FYB1: variants seen among roughly 807,000 people sequenced by gnomAD.
FYB1 encodes FYN binding protein 1.
A neutral mutation model predicts 94.1 loss-of-function variants in FYB1; 41 were observed. That is an observed-to-expected ratio of 0.44 (90% CI 0.34 to 0.57). FYB1 has a LOEUF of 0.57. Among genes scored for constraint, FYB1 ranks in the 20% least tolerant of loss-of-function variants. FYB1 has a pLI of 0.02. For missense variants in FYB1, 1,050 were observed against 976.8 expected (o/e 1.07, Z -1.00); for synonymous variants, 367 against 353.2 (o/e 1.04, Z -0.44).
intron 1 of FYB1, among the ~76,000 whole-genome samples, chr5:39,243,190 G>C (rs1751300234): frequency 5.3e-5 from 8 of 149,750 alleles, no homozygotes; most frequent in African/African-American, 1.2e-4. Context: ...ATTGCTTTTG[G>C]TGTTTTAGAC....
intron 4 of FYB1, chr5:39,139,944 A>T (rs1742015812): frequency 6.6e-6 from 1 of 152,288 alleles, no homozygotes. Context: ...TTTAGAGTAC[A>T]GTAAGGAGAA....
chr5:39,231,114 T>C (rs1750713946), intron 1 of FYB1, among the ~76,000 whole-genome samples: 1 of 146,432 alleles, frequency 6.8e-6, no homozygotes, highest in African/African-American at 2.6e-5. Flanking sequence ...AGGAGGCAGT[T>C]TGATGGAATA....
intron 1 of FYB1, among the ~76,000 whole-genome samples, chr5:39,209,247 C>T (rs1485872011): frequency 1.3e-5 from 2 of 152,130 alleles, no homozygotes; most frequent in Non-Finnish European, 2.9e-5. Flanking sequence ...AGACCCTTCA[C>T]AAGCATCGTA....
intron 16 of FYB1, chr5:39,110,832 AG>A (rs1442969978): frequency 2.8e-6 from 1 of 360,004 alleles, no homozygotes; most frequent in African/African-American, 2.2e-5. Context: ...TTGAGCAGAG[AG>A]AGAACTGTAT....
intron 11 of FYB1, 55 bp from the exon 12 acceptor site, chr5:39,126,190 A>G (rs538141091): frequency 1.3e-6 from 2 of 1,576,084 alleles, no homozygotes; most frequent in Non-Finnish European, 1.7e-6. Context: ...AAGTGAAGAC[A>G]TTGTGTGGAC....
At position 39,127,724 on chromosome 5, in the gene FYB1, T is replaced by C; in HGVS notation, c.1907+17A>G. On this transcript the variant is annotated intron_variant, in intron 11 of 18. Coordinates refer to ENST00000512982, the MANE Select transcript of FYB1 (RefSeq NM_001465.6). ...TATATAATAATTTGCAAAAAGCAGTTCACTGATTATTCTTACCCATCATCA... is the reference window on the plus strand; with the variant it reads ...TATATAATAATTTGCAAAAAGCAGTCCACTGATTATTCTTACCCATCATCA... 6.3e-7 allele frequency: 1 copy of C among 1,584,906 alleles called. No individual in the cohort carries two copies. The highest frequency in any genetic ancestry group is 8.6e-7 in the Non-Finnish European group (1 of 1,168,712).
chr5:39,222,171 C>A (rs1264979861), upstream of FYB1, among the ~76,000 whole-genome samples: 1 of 151,820 alleles, frequency 6.6e-6, no homozygotes, highest in East Asian at 1.9e-4. Context: ...GATATGATCT[C>A]CTTTTGAACT....
At chr5:39,199,923 A>G (rs981871296) in intron 2 of FYB1, among the ~76,000 whole-genome samples, 1 of 152,256 alleles carries the variant, frequency 6.6e-6, no homozygotes, top group Non-Finnish European at 1.5e-5. Flanking sequence ...GTTTAAAGTT[A>G]TGAATCAGAT....
At chr5:39,228,055 G>C (rs1750560109) in intron 1 of FYB1, among the ~76,000 whole-genome samples, 1 of 152,164 alleles carries the variant, frequency 6.6e-6, no homozygotes, top group South Asian at 2.1e-4. Flanking sequence ...TCAATGATCA[G>C]ATTGGAATAA....
chr5:39,178,292 C>A (rs780683505), intron 2 of FYB1, among the ~76,000 whole-genome samples: 4 of 152,182 alleles, frequency 2.6e-5, no homozygotes, highest in Non-Finnish European at 4.4e-5. Flanking sequence ...TTTTCCTCTG[C>A]AACATTCATG....
At chr5:39,263,746 T>C (rs142068493) in intron 1 of FYB1, among the ~76,000 whole-genome samples, 1 of 152,234 alleles carries the variant, frequency 6.6e-6, no homozygotes, top group East Asian at 1.9e-4. Flanking sequence ...CTAACTTGGA[T>C]GTAGTCAAAT....
chr5:39,110,549 G>A, intron 16 of FYB1, 160 bp from the exon 17 acceptor site: 1 of 487,260 alleles, frequency 2.1e-6, no homozygotes, highest in Non-Finnish European at 3.7e-6. Flanking sequence ...GTCTACTTTT[G>A]TGTCCTTCCT....
intron 1 of FYB1, among the ~76,000 whole-genome samples, chr5:39,245,950 A>T (rs1248789753): frequency 6.6e-6 from 1 of 152,110 alleles, no homozygotes; most frequent in African/African-American, 2.4e-5. Flanking sequence ...TCCATTATAG[A>T]TCTTTCTTTA....
intron 1 of FYB1, among the ~76,000 whole-genome samples, chr5:39,240,251 G>A (rs1677444): frequency 0.17 from 25,605 of 152,020 alleles, 5,764 homozygotes; most frequent in African/African-American, 0.5. Context: ...ACAATTCTGG[G>A]CATAGGCCCT....
At chr5:39,256,781 C>G (rs759773782) in intron 1 of FYB1, among the ~76,000 whole-genome samples, 1 of 152,150 alleles carries the variant, frequency 6.6e-6, no homozygotes, top group Non-Finnish European at 1.5e-5. Context: ...AAAAAGTCCA[C>G]CCAGCCTGAA....
chr5:39,209,401 A>G (rs913473292), intron 1 of FYB1, among the ~76,000 whole-genome samples: 2 of 150,732 alleles, frequency 1.3e-5, no homozygotes, highest in Non-Finnish European at 2.9e-5. Flanking sequence ...ATCTTGGCTC[A>G]CTGCAATCTC....
At chr5:39,129,842 T>A (rs2150307477) in intron 10 of FYB1, among the ~76,000 whole-genome samples, 1 of 151,884 alleles carries the variant, frequency 6.6e-6, no homozygotes, top group Non-Finnish European at 1.5e-5. Flanking sequence ...CATACAGTCA[T>A]TATGGAGATT....
intron 1 of FYB1, among the ~76,000 whole-genome samples, chr5:39,250,405 A>T (rs1430643793): frequency 1.3e-5 from 2 of 152,210 alleles, no homozygotes; most frequent in Non-Finnish European, 2.9e-5. Context: ...TCGAGGAAAG[A>T]CTATCAAATG....
intron 1 of FYB1, among the ~76,000 whole-genome samples, chr5:39,244,127 C>G (rs552363842): frequency 2.6e-5 from 4 of 152,000 alleles, no homozygotes; most frequent in African/African-American, 9.7e-5. Context: ...ATTGAATACC[C>G]TTTATTTCTT....
Sources: gnomAD v4.1 joint callset for allele counts (sites outside exome capture counted in the v4.1 genomes callset) on GRCh38, gnomAD v4.1.1 for gene constraint, MANE v1.5 for transcripts, NCBI Gene and HGNC (gene_info 2026-07-23, HGNC 2026-07-21) for gene names.